Variants in SETD5 observed in about 807,000 individuals in gnomAD.
The protein encoded by SETD5 is histone-lysine N-methyltransferase SETD5.
SETD5 carries 44 observed loss-of-function variants against 153.3 expected under a neutral mutation model. The observed-to-expected ratio is 0.29, with a 90% CI of 0.23 to 0.37. The LOEUF is 0.37. SETD5 is among the 10% of genes least tolerant of loss of function. The probability of loss-of-function intolerance (pLI) is 1.00; values close to 1 mark genes in which losing one functional copy is unlikely to be tolerated. For synonymous variants in SETD5, 716 were observed against 645.2 expected (o/e 1.11, Z -1.66); for missense variants, 1,544 against 1,768.0 (o/e 0.87, Z 2.27).
At chr3:9,449,847 C>T (rs1429022036) in intron 16 of SETD5, among the ~76,000 whole-genome samples, 1 of 152,134 alleles carries the variant, frequency 6.6e-6, no homozygotes, top group Admixed American at 6.5e-5. Context: ...GGGAAACGCT[C>T]GTAGAATTCC....
chr3:9,430,213 G>T, intron 3 of SETD5: 1 of 984,866 alleles, frequency 1.0e-6, no homozygotes, highest in African/African-American at 1.7e-5. Context: ...TTATTAAAGA[G>T]CATGTATATT....
At position 9,428,868 on chromosome 3, in the gene SETD5, C is replaced by A; in HGVS notation, c.-71C>A. 2 of 1,100,914 alleles carry A rather than the reference C, an allele frequency of 1.8e-6. No homozygotes were observed. The highest frequency in any genetic ancestry group is 2.7e-6 in the Non-Finnish European group (2 of 739,926). 68.2% of individuals were successfully genotyped at this position (1,100,914 alleles called of 1,614,324 possible). ...TGTTGGATGAGGCTCTGCAGCTCAC[C>A]CCCACTCTCAGAGTGGTCAGTCTCC... is the stretch of plus-strand genomic sequence containing the variant. On this transcript the variant is annotated 5_prime_UTR_variant, in exon 3 of 23. Transcript: ENST00000402198.
chr3:9,421,471 C>T (rs2038387072), intron 1 of SETD5, among the ~76,000 whole-genome samples: 2 of 151,726 alleles, frequency 1.3e-5, no homozygotes, highest in Non-Finnish European at 2.9e-5. Flanking sequence ...TACTTTTCTT[C>T]TCCTAAGGTA....
chr3:9,409,838 C>T (rs1169960852), intron 1 of SETD5, among the ~76,000 whole-genome samples: 1 of 152,208 alleles, frequency 6.6e-6, no homozygotes, highest in Non-Finnish European at 1.5e-5. Context: ...CCTAATCTTT[C>T]TCCCTTTCCC....
At chr3:9,424,618 A>G (rs1250466086) in intron 2 of SETD5, 92 bp downstream of exon 2, 1 of 152,180 alleles carries the variant, frequency 6.6e-6, no homozygotes, top group African/African-American at 2.4e-5. Flanking sequence ...TGTGATTATA[A>G]TTTACTTAGC....
intron 13 of SETD5, among the ~76,000 whole-genome samples, chr3:9,446,499 T>G (rs116042824): frequency 0.027 from 4,046 of 151,970 alleles, 206 homozygotes; most frequent in African/African-American, 0.093. Flanking sequence ...ATGACTTTTT[T>G]TTTTTTCTTT....
Position 9,464,628 on chromosome 3 carries a change from T to G in SETD5, c.2680T>G (p.Ser894Ala). 1 of 1,613,972 alleles carries G rather than the reference T, an allele frequency of 6.2e-7. No homozygotes were observed. The highest frequency in any genetic ancestry group is 8.5e-7 in the Non-Finnish European group (1 of 1,179,880). The change falls in exon 18 of 23, where the codon TCT becomes GCT. Residue 894 changes from serine to alanine, a missense_variant. Ser to Ala is a moderately conservative substitution (Grantham distance 99). Around this residue, in one of 9 missense-constraint regions of SETD5, gnomAD observed 782 missense variants for 787.2 expected, o/e 0.99. Transcript: ENST00000402198. ...GYSLMFSPVTSLTTASRCNTP... is the reference protein window; with the variant it reads ...GYSLMFSPVTALTTASRCNTP... ...CAGCCTCATGTTTTCACCAGTCACATCTCTTACTACTGCTAGTCGCTGCAA... is the reference window on the plus strand; with the variant it reads ...CAGCCTCATGTTTTCACCAGTCACAGCTCTTACTACTGCTAGTCGCTGCAA...
intron 20 of SETD5, among the ~76,000 whole-genome samples, chr3:9,474,200 G>A (rs1255581946): frequency 6.6e-6 from 1 of 152,156 alleles, no homozygotes; most frequent in Admixed American, 6.5e-5. Context: ...TTTAAATGGG[G>A]GTTAAGGGAA....
intron 18 of SETD5, chr3:9,468,454 T>C: frequency 7.8e-7 from 1 of 1,279,570 alleles, no homozygotes; most frequent in Non-Finnish European, 1.0e-6. Flanking sequence ...CTTTTATTTT[T>C]TGTTTTGTTT....
intron 14 of SETD5, 80 bp from the exon 15 acceptor site, chr3:9,447,606 A>T: frequency 6.9e-7 from 1 of 1,444,926 alleles, no homozygotes; most frequent in East Asian, 2.3e-5. Context: ...AGACATTCTG[A>T]ATGCTTAAAG....
intron 18 of SETD5, 127 bp downstream of exon 18, chr3:9,464,799 G>A (rs2125503741): frequency 6.8e-7 from 1 of 1,474,688 alleles, no homozygotes; most frequent in South Asian, 1.2e-5. Flanking sequence ...TAAGAGAATG[G>A]GAAACCTCAG....
At position 9,460,693 on chromosome 3, in the gene SETD5, A is replaced by G. The variant is rs1043431693; in HGVS notation, c.2477-3732A>G. The stretch of plus-strand genomic sequence containing the variant: ...TATATTTCAAATTAATAGGGAAATT[A>G]TAGTTATTCTACATTTACAGAAGAT... On this transcript the variant is annotated intron_variant, in intron 17 of 22. Coordinates refer to ENST00000402198, the MANE Select transcript of SETD5 (RefSeq NM_001080517.3). Among the ~76,000 whole-genome samples the G allele has an allele frequency of 3.9e-5, 6 of 152,324 alleles. No homozygotes were observed. In the East Asian group the frequency reaches 1.2e-3, roughly 29 times the overall value.
intron 18 of SETD5, among the ~76,000 whole-genome samples, chr3:9,468,150 A>C (rs777698409): frequency 1.3e-4 from 19 of 151,630 alleles, no homozygotes; most frequent in Non-Finnish European, 2.1e-4. Context: ...AATAAGGGGT[A>C]GGGTGCCCCT....
At chr3:9,445,591 C>A (rs538175528) in intron 12 of SETD5, 66 bp from the exon 13 acceptor site, 8 of 1,381,376 alleles carry the variant, frequency 5.8e-6, no homozygotes, top group Non-Finnish European at 8.2e-6. Flanking sequence ...TTTAAGCTAC[C>A]AGAATAAAAC....
chr3:9,443,604 A>T (rs754022113), intron 11 of SETD5, among the ~76,000 whole-genome samples, 187 bp downstream of exon 11: 37 of 152,140 alleles, frequency 2.4e-4, no homozygotes, highest in Non-Finnish European at 8.8e-5. Context: ...AGAGATACGG[A>T]TACCTTGTAT....
intron 18 of SETD5, among the ~76,000 whole-genome samples, chr3:9,465,161 G>GTATGGCT (rs1182081886): frequency 6.6e-6 from 1 of 152,162 alleles, no homozygotes; most frequent in Non-Finnish European, 1.5e-5. Context: ...AAACATTGGG[G>GTATGGCT]TATGGCTTAT....
At chr3:9,445,498 A>AT in intron 12 of SETD5, 159 bp from the exon 13 acceptor site, 1 of 869,672 alleles carries the variant, frequency 1.1e-6, no homozygotes, top group South Asian at 1.8e-5. Flanking sequence ...GCACCAGAGA[A>AT]TAGGGGTTAG....
chr3:9,413,523 G>T (rs1036434198), intron 1 of SETD5, among the ~76,000 whole-genome samples: 24 of 151,904 alleles, frequency 1.6e-4, no homozygotes, highest in Non-Finnish European at 3.1e-4. Context: ...AGGATTCTTT[G>T]CCTAGAATTG....
At chr3:9,445,477 T>C in intron 12 of SETD5, 177 bp downstream of exon 12, 1 of 906,236 alleles carries the variant, frequency 1.1e-6, no homozygotes. Flanking sequence ...AAAACATCCT[T>C]TGCTGGTTTT....
Sources: allele counts gnomAD v4.1 joint callset (sites outside exome capture counted in the v4.1 genomes callset), GRCh38; gene constraint gnomAD v4.1.1; regional missense constraint gnomAD v4.1.1; transcripts MANE v1.5; gene names NCBI Gene and HGNC (gene_info 2026-07-23, HGNC 2026-07-21).